Variants in ATRNL1 observed in about 807,000 individuals in gnomAD.
The protein encoded by ATRNL1 is attractin-like protein 1.
Under a neutral mutation model 182.7 loss-of-function variants are expected in ATRNL1, and 95 were observed. The observed-to-expected ratio is 0.52, with a 90% CI of 0.44 to 0.62. The LOEUF is 0.62. Ranked by LOEUF, ATRNL1 falls within the 20% of genes least tolerant of loss-of-function variation. The probability of loss-of-function intolerance (pLI) is 0.00; values close to 1 mark genes in which losing one functional copy is unlikely to be tolerated. For missense variants in ATRNL1, 1,471 were observed against 1,679.5 expected, an observed-to-expected ratio of 0.88 and a Z score of 2.17; for synonymous variants, 576 against 568.3, an observed-to-expected ratio of 1.01 and a Z score of -0.19.
intron 24 of ATRNL1, among the ~76,000 whole-genome samples, chr10:115,479,964 A>C (rs1202720051): frequency 6.6e-6 from 1 of 151,296 alleles, no homozygotes; most frequent in African/African-American, 2.4e-5. Context: ...TGGCTTTGAC[A>C]ATTCACTATT....
intron 27 of ATRNL1, among the ~76,000 whole-genome samples, chr10:115,741,903 A>C (rs189459998): frequency 6.6e-6 from 1 of 152,178 alleles, no homozygotes; most frequent in African/African-American, 2.4e-5. Context: ...GCTGAGAAAG[A>C]GTACAGAATT....
intron 9 of ATRNL1, among the ~76,000 whole-genome samples, chr10:115,230,906 AGAGAG>A (rs1849908167): frequency 6.7e-6 from 1 of 148,174 alleles, no homozygotes; most frequent in Admixed American, 6.7e-5. Context: ...AGAGAGAGAG[AGAGAG>A]AGAGAGAGAG....
chr10:115,269,726 T>C (rs1851760758), intron 13 of ATRNL1, among the ~76,000 whole-genome samples: 1 of 152,192 alleles, frequency 6.6e-6, no homozygotes, highest in Non-Finnish European at 1.5e-5. Flanking sequence ...TTTTCTTTTT[T>C]GGAAATTTTA....
intron 27 of ATRNL1, among the ~76,000 whole-genome samples, chr10:115,827,110 G>A (rs553466233): frequency 3.9e-5 from 6 of 152,298 alleles, no homozygotes; most frequent in South Asian, 2.1e-4. Flanking sequence ...ATGGCTGGCC[G>A]TCTTGTGCTG....
intron 28 of ATRNL1, among the ~76,000 whole-genome samples, chr10:115,848,252 C>G (rs1384606776): frequency 6.6e-6 from 1 of 152,040 alleles, no homozygotes; most frequent in Non-Finnish European, 1.5e-5. Flanking sequence ...TATGTATGTT[C>G]CCATTAATTG....
intron 21 of ATRNL1, among the ~76,000 whole-genome samples, chr10:115,431,962 C>T (rs1361590741): frequency 6.6e-6 from 1 of 152,016 alleles, no homozygotes; most frequent in Non-Finnish European, 1.5e-5. Context: ...TACAAATATA[C>T]TAATGTTTAA....
intron 20 of ATRNL1, among the ~76,000 whole-genome samples, chr10:115,397,119 T>C (rs1554955819): frequency 6.6e-6 from 1 of 151,908 alleles, no homozygotes; most frequent in Non-Finnish European, 1.5e-5. Context: ...TGCTATAATC[T>C]GCTTATACCT....
chr10:115,431,809 A>G (rs1554964035), intron 21 of ATRNL1, among the ~76,000 whole-genome samples: 1 of 152,042 alleles, frequency 6.6e-6, no homozygotes. Context: ...CTTATTTCAA[A>G]TATCCTGGAT....
At position 115,467,216 on chromosome 10, in the gene ATRNL1, T is replaced by G; in HGVS notation, c.3460T>G (p.Phe1154Val). ...TATATCAATTAATGCATCAAACAAC[T>G]TTAATCTCAACATTACGTGGTCTGT... The part of the protein sequence containing the change: ...LDISINASNN[F>V]NLNITWSVGS... Residue 1154 changes from phenylalanine to valine, a missense_variant, in exon 23 of 29, where the codon TTT (phenylalanine) becomes GTT (valine). By Grantham distance (50) the Phe-to-Val change is conservative (BLOSUM62 -1). Coordinates refer to ENST00000355044, the MANE Select transcript of ATRNL1 (RefSeq NM_207303.4). 4.4e-6 allele frequency: 7 copies of G among 1,605,330 alleles called. No homozygotes were observed. Among genetic ancestry groups the G allele is most frequent in the Non-Finnish European group, 6.0e-6 (7 of 1,174,652 alleles).
intron 21 of ATRNL1, among the ~76,000 whole-genome samples, chr10:115,444,267 G>A (rs1360581979): frequency 6.6e-6 from 1 of 151,884 alleles, no homozygotes; most frequent in Non-Finnish European, 1.5e-5. Context: ...CAGCTGTTAG[G>A]GCTAACTAGA....
At chr10:115,517,271 CTTTGTCTCAGTGTTTTA>C (rs1242952154) in intron 24 of ATRNL1, among the ~76,000 whole-genome samples, 2 of 151,686 alleles carry the variant, frequency 1.3e-5, no homozygotes, top group Admixed American at 1.3e-4. Flanking sequence ...GTTATGTTTT[CTTTGTCTCAGTGTTTTA>C]TTTGATCAGG....
At chr10:115,352,734 C>T (rs1450655522) in intron 19 of ATRNL1, among the ~76,000 whole-genome samples, 6 of 152,054 alleles carry the variant, frequency 3.9e-5, no homozygotes, top group Admixed American at 2.6e-4. Flanking sequence ...CCTGTCTGTA[C>T]TAAAAATACA....
chr10:115,210,975 T>C (rs1390892722), intron 8 of ATRNL1, among the ~76,000 whole-genome samples: 1 of 151,814 alleles, frequency 6.6e-6, no homozygotes, highest in Non-Finnish European at 1.5e-5. Flanking sequence ...TCATATATTA[T>C]TTATAAACAT....
intron 26 of ATRNL1, among the ~76,000 whole-genome samples, chr10:115,573,608 G>C (rs1325086047): frequency 2.6e-5 from 4 of 152,038 alleles, no homozygotes; most frequent in African/African-American, 2.4e-5. Context: ...GTATTTCCCT[G>C]TCTCCTGTCT....
At chr10:115,413,969 A>G (rs1415239945) in intron 20 of ATRNL1, among the ~76,000 whole-genome samples, 1 of 152,094 alleles carries the variant, frequency 6.6e-6, no homozygotes, top group Non-Finnish European at 1.5e-5. Flanking sequence ...ATGTATATAC[A>G]CACATATAAA....
chr10:115,759,959 T>C (rs1565354571), intron 27 of ATRNL1, among the ~76,000 whole-genome samples: 1 of 150,650 alleles, frequency 6.6e-6, no homozygotes, highest in Non-Finnish European at 1.5e-5. Flanking sequence ...CCCAAAGTGC[T>C]GCGATTACAA....
chr10:115,835,909 G>A (rs1950659262), intron 27 of ATRNL1, among the ~76,000 whole-genome samples: 1 of 152,142 alleles, frequency 6.6e-6, no homozygotes, highest in Non-Finnish European at 1.5e-5. Context: ...TCAGGCAGAG[G>A]CTGCCGCACC....
chr10:115,848,841 A>C (rs1382820061), intron 28 of ATRNL1, among the ~76,000 whole-genome samples: 1 of 152,158 alleles, frequency 6.6e-6, no homozygotes, highest in Admixed American at 6.6e-5. Flanking sequence ...GGGTGATTTC[A>C]AATCTGTTTT....
chr10:115,916,484 A>C (rs563074612), intron 28 of ATRNL1, among the ~76,000 whole-genome samples: 14 of 152,336 alleles, frequency 9.2e-5, no homozygotes, highest in African/African-American at 3.1e-4. Context: ...ACAACGCTTA[A>C]AGCAAGTGAA....
Sources: allele counts gnomAD v4.1 joint callset (sites outside exome capture counted in the v4.1 genomes callset), GRCh38; gene constraint gnomAD v4.1.1; transcripts MANE v1.5; gene names NCBI Gene and HGNC (gene_info 2026-07-23, HGNC 2026-07-21).